Variants in ZNF407 observed in about 807,000 individuals in gnomAD.
The protein encoded by ZNF407 is zinc finger protein 407.
In ZNF407, 17 loss-of-function variants were observed where a neutral mutation model predicts 131.2. The observed-to-expected ratio is 0.13, with a 90% CI of 0.09 to 0.19. ZNF407 has a LOEUF of 0.19. Among genes scored for constraint, ZNF407 ranks in the 10% least tolerant of loss-of-function variants. ZNF407 has a pLI of 1.00. For synonymous variants in ZNF407, 1,156 were observed against 1,062.0 expected (o/e 1.09, Z -1.72); for missense variants, 2,681 against 2,830.6 (o/e 0.95, Z 1.20).
chr18:74,714,591 CTT>C (rs1568179247), intron 3 of ZNF407, among the ~76,000 whole-genome samples: 1 of 152,146 alleles, frequency 6.6e-6, no homozygotes, highest in Non-Finnish European at 1.5e-5. Context: ...ACTAGTAACT[CTT>C]TTACTGTCTT....
chr18:74,836,980 T>C (rs1970568534), intron 4 of ZNF407, among the ~76,000 whole-genome samples: 1 of 152,138 alleles, frequency 6.6e-6, no homozygotes, highest in South Asian at 2.1e-4. Flanking sequence ...CAAGTGGAAA[T>C]GTGCTACTGC....
At chr18:74,650,933 G>A (rs1457428424) in intron 3 of ZNF407, among the ~76,000 whole-genome samples, 1 of 148,726 alleles carries the variant, frequency 6.7e-6, no homozygotes, top group Non-Finnish European at 1.5e-5. Context: ...ATGTGTGTGT[G>A]TGTCTATCTA....
chr18:74,796,736 G>A (rs1969927308), intron 4 of ZNF407, among the ~76,000 whole-genome samples: 1 of 152,064 alleles, frequency 6.6e-6, no homozygotes, highest in African/African-American at 2.4e-5. Context: ...CACGCTCGAA[G>A]CTTGTTCTCT....
chr18:75,036,986 G>A (rs778887846), intron 8 of ZNF407, among the ~76,000 whole-genome samples: 16 of 152,210 alleles, frequency 1.1e-4, no homozygotes, highest in Admixed American at 6.5e-5. Context: ...GCAGCGTCGA[G>A]CTGAGGCATC....
intron 4 of ZNF407, among the ~76,000 whole-genome samples, chr18:74,829,334 G>A (rs943171424): frequency 6.6e-6 from 1 of 152,196 alleles, no homozygotes; most frequent in Non-Finnish European, 1.5e-5. Context: ...GTACTGTTAT[G>A]AACCTACGAA....
intron 4 of ZNF407, among the ~76,000 whole-genome samples, chr18:74,836,471 G>A (rs1436577505): frequency 1.3e-5 from 2 of 152,184 alleles, no homozygotes; most frequent in Non-Finnish European, 2.9e-5. Context: ...CCCTTCCCGA[G>A]TGAGCCCTGC....
intron 1 of ZNF407, among the ~76,000 whole-genome samples, chr18:74,605,093 C>T (rs76003346): frequency 1.1e-4 from 16 of 152,270 alleles, no homozygotes; most frequent in Middle Eastern, 3.4e-3. Flanking sequence ...TTTCACTCAC[C>T]GTTTGCCACA....
intron 8 of ZNF407, among the ~76,000 whole-genome samples, chr18:74,981,823 T>C (rs557346391): frequency 1.3e-5 from 2 of 152,370 alleles, no homozygotes; most frequent in African/African-American, 2.4e-5. Context: ...ATAAAAACTA[T>C]AAACATATGC....
chr18:74,697,019 C>T (rs1252675441), intron 3 of ZNF407, among the ~76,000 whole-genome samples: 1 of 152,160 alleles, frequency 6.6e-6, no homozygotes, highest in Non-Finnish European at 1.5e-5. Context: ...TAGAAGGTCT[C>T]CAAATGATAA....
At chr18:74,825,968 A>G (rs1970404628) in intron 4 of ZNF407, among the ~76,000 whole-genome samples, 1 of 152,204 alleles carries the variant, frequency 6.6e-6, no homozygotes, top group Non-Finnish European at 1.5e-5. Context: ...ACCTAACCAC[A>G]TACACTAAAC....
chr18:74,785,868 GTCAC>G (rs1969698185), intron 4 of ZNF407, among the ~76,000 whole-genome samples: 1 of 143,120 alleles, frequency 7.0e-6, no homozygotes, highest in South Asian at 2.3e-4. Context: ...TGGCACACAC[GTCAC>G]TCACATGGCA....
intron 3 of ZNF407, among the ~76,000 whole-genome samples, chr18:74,681,131 C>T (rs145789846): frequency 1.5e-3 from 229 of 152,204 alleles, no homozygotes; most frequent in African/African-American, 5.1e-3. Context: ...GATTTCATTT[C>T]GCTTTGGGTG....
chr18:74,727,073 G>A (rs1323085443), intron 3 of ZNF407, among the ~76,000 whole-genome samples: 2 of 152,064 alleles, frequency 1.3e-5, no homozygotes, highest in Non-Finnish European at 2.9e-5. Context: ...ACAAATGTTG[G>A]GTTTCTATTA....
intron 1 of ZNF407, among the ~76,000 whole-genome samples, chr18:74,612,755 C>T (rs899778819): frequency 6.6e-6 from 1 of 152,138 alleles, no homozygotes; most frequent in African/African-American, 2.4e-5. Context: ...AAGTGTTATC[C>T]TTGCTTTGCG....
At position 75,065,502 on chromosome 18, in the gene ZNF407, G is replaced by A. The variant is rs1383704004; in HGVS notation, c.*1034G>A. Reference sequence around the variant, plus strand: ...GGCCACCAGCATGGTCTGTGTCCTCGTGGATTCACTGCAGCTGTCGGATGC... The same window carrying A: ...GGCCACCAGCATGGTCTGTGTCCTCATGGATTCACTGCAGCTGTCGGATGC... On this transcript the variant is annotated 3_prime_UTR_variant, in exon 9 of 9. Coordinates refer to ENST00000299687, the MANE Select transcript of ZNF407 (RefSeq NM_017757.3). 5 of 152,234 alleles carry A rather than the reference G, an allele frequency of 3.3e-5. No individual in the cohort carries two copies. The highest frequency in any genetic ancestry group is 2.0e-4 in the Admixed American group (3 of 15,284). The allele number at this position is 152,234 out of a possible 1,614,324, so 9.4% of individuals were successfully genotyped here.
intron 4 of ZNF407, among the ~76,000 whole-genome samples, chr18:74,785,260 A>T (rs1272431203): frequency 2.6e-5 from 4 of 152,136 alleles, no homozygotes; most frequent in Non-Finnish European, 5.9e-5. Flanking sequence ...TTTTGTTAGC[A>T]TAGCTGTTGG....
At chr18:74,838,620 CT>C (rs2145128004) in intron 4 of ZNF407, among the ~76,000 whole-genome samples, 1 of 152,040 alleles carries the variant, frequency 6.6e-6, no homozygotes, top group East Asian at 1.9e-4. Context: ...TGTGTATGTA[CT>C]TTATTAAAAG....
chr18:74,652,275 A>C (rs1985262420), intron 3 of ZNF407, among the ~76,000 whole-genome samples: 1 of 152,120 alleles, frequency 6.6e-6, no homozygotes. Context: ...TCCTATCATT[A>C]TCTAAAACAC....
At chr18:74,659,061 G>A (rs1985602905) in intron 3 of ZNF407, among the ~76,000 whole-genome samples, 1 of 151,832 alleles carries the variant, frequency 6.6e-6, no homozygotes, top group Admixed American at 6.6e-5. Context: ...ACATTCTCTG[G>A]GTATTTAAAG....
Sources: allele counts gnomAD v4.1 joint callset (sites outside exome capture counted in the v4.1 genomes callset), GRCh38; gene constraint gnomAD v4.1.1; transcripts MANE v1.5; gene names NCBI Gene and HGNC (gene_info 2026-07-23, HGNC 2026-07-21).